The following ARHGAP24 variants were observed in gnomAD, a reference collection of about 807,000 sequenced individuals.
ARHGAP24 encodes Rho GTPase activating protein 24, also known as rho GTPase-activating protein 24.
Under a neutral mutation model 76.4 loss-of-function variants are expected in ARHGAP24, and 50 were observed. The observed-to-expected ratio is 0.65, with a 90% CI of 0.52 to 0.83. ARHGAP24 has a LOEUF of 0.83. ARHGAP24 is among the 40% of genes least tolerant of loss of function. ARHGAP24 has a pLI of 0.00. For synonymous variants in ARHGAP24, 345 were observed against 323.3 expected, an observed-to-expected ratio of 1.07 and a Z score of -0.72; for missense variants, 930 against 914.2, an observed-to-expected ratio of 1.02 and a Z score of -0.22.
At chr4:85,680,602 G>A (rs1723169744) in intron 2 of ARHGAP24, among the ~76,000 whole-genome samples, 1 of 152,000 alleles carries the variant, frequency 6.6e-6, no homozygotes, top group Admixed American at 6.6e-5. Flanking sequence ...GTGAGATAAT[G>A]CTGTCTTTAC....
At chr4:85,951,843 C>T (rs932483044) in intron 5 of ARHGAP24, among the ~76,000 whole-genome samples, 9 of 152,070 alleles carry the variant, frequency 5.9e-5, no homozygotes, top group Admixed American at 3.9e-4. Flanking sequence ...TCTCTAGTCA[C>T]TGACATTGTA....
At chr4:85,875,688 A>T (rs1388657364) in intron 3 of ARHGAP24, among the ~76,000 whole-genome samples, 1 of 132,812 alleles carries the variant, frequency 7.5e-6, no homozygotes, top group Non-Finnish European at 1.5e-5. Flanking sequence ...TATAAATATT[A>T]AAAATAATAT....
intron 3 of ARHGAP24, among the ~76,000 whole-genome samples, chr4:85,919,470 T>A (rs1735600346): frequency 6.6e-6 from 1 of 152,090 alleles, no homozygotes; most frequent in Admixed American, 6.6e-5. Flanking sequence ...TAGTAATAAG[T>A]CTATATTTAC....
rs369440008 is a variant in ARHGAP24 at position 85,789,112 on chromosome 4, T to C, written c.268+67140T>C. Reference sequence around the variant, plus strand: ...CAAGGCACAATTAGAATGTTGGAACTTTCAGTCCCAGCACTCAACCTCCAG... The same window carrying C: ...CAAGGCACAATTAGAATGTTGGAACCTTCAGTCCCAGCACTCAACCTCCAG... On this transcript the variant is annotated intron_variant, in intron 3 of 9. Coordinates refer to ENST00000395184, the MANE Select transcript of ARHGAP24 (RefSeq NM_001025616.3). 9.2e-5 allele frequency among the ~76,000 whole-genome samples: 14 copies of C among 151,878 alleles called. No individual in the cohort carries two copies. In the East Asian group the frequency reaches 1.6e-3, roughly 17 times the overall value.
At chr4:85,757,111 G>T (rs1328670130) in intron 3 of ARHGAP24, among the ~76,000 whole-genome samples, 1 of 151,924 alleles carries the variant, frequency 6.6e-6, no homozygotes, top group African/African-American at 2.4e-5. Context: ...TTTGGGCCAG[G>T]CCATCTCCGT....
intron 5 of ARHGAP24, among the ~76,000 whole-genome samples, chr4:85,956,866 A>C (rs1230127310): frequency 1.3e-5 from 2 of 152,276 alleles, no homozygotes; most frequent in South Asian, 4.1e-4. Flanking sequence ...AAGAGAGTGC[A>C]GTTGCAAGAT....
chr4:85,777,930 G>A (rs1727369669), intron 3 of ARHGAP24, among the ~76,000 whole-genome samples: 1 of 152,092 alleles, frequency 6.6e-6, no homozygotes. Context: ...TTGCTTCTCT[G>A]TTTTATTTAA....
chr4:85,667,670 G>A (rs968278474), intron 2 of ARHGAP24, among the ~76,000 whole-genome samples: 1 of 152,078 alleles, frequency 6.6e-6, no homozygotes, highest in Non-Finnish European at 1.5e-5. Flanking sequence ...TTTATCCTCT[G>A]TTCTTCCCTA....
rs141347182 is a variant in ARHGAP24, at chr4:85,630,088, G to A, written c.180+59367G>A. Among the ~76,000 whole-genome samples the A allele has an allele frequency of 2.4e-4, 36 of 151,684 alleles. No individual in the cohort carries two copies. In the East Asian group the frequency reaches 6.8e-3, roughly 29 times the overall value. The stretch of plus-strand genomic sequence containing the variant: ...AGGTAATTTTAAATGACCTGTCCTT[G>A]AGCTTGCTAATTATTTACTCTTCTT... On this transcript the variant is annotated intron_variant, in intron 2 of 9. Transcript: ENST00000395184.
intron 3 of ARHGAP24, among the ~76,000 whole-genome samples, chr4:85,838,325 C>T (rs1222257000): frequency 6.6e-6 from 1 of 152,124 alleles, no homozygotes; most frequent in Non-Finnish European, 1.5e-5. Context: ...TAGCCGGGCA[C>T]GGTGGCTCAC....
intron 2 of ARHGAP24, among the ~76,000 whole-genome samples, chr4:85,624,008 A>G (rs953867536): frequency 6.6e-6 from 1 of 152,170 alleles, no homozygotes; most frequent in African/African-American, 2.4e-5. Context: ...GGGGTTTTCT[A>G]GATATACAAT....
At chr4:85,511,846 G>T (rs1011659001) in intron 1 of ARHGAP24, among the ~76,000 whole-genome samples, 10 of 152,172 alleles carry the variant, frequency 6.6e-5, no homozygotes, top group Non-Finnish European at 1.3e-4. Flanking sequence ...TGAAGCCTGT[G>T]GGGGAATCCT....
chr4:85,988,222 G>A (rs1740117919), intron 8 of ARHGAP24, among the ~76,000 whole-genome samples: 1 of 151,828 alleles, frequency 6.6e-6, no homozygotes, highest in African/African-American at 2.4e-5. Context: ...ATAGACACAT[G>A]TGCACACAGA....
At chr4:85,608,448 T>A (rs911251601) in intron 2 of ARHGAP24, among the ~76,000 whole-genome samples, 2 of 152,168 alleles carry the variant, frequency 1.3e-5, no homozygotes, top group African/African-American at 4.8e-5. Context: ...GACTTTATTG[T>A]ATTTATTATT....
intron 2 of ARHGAP24, among the ~76,000 whole-genome samples, chr4:85,634,207 A>G (rs1466368374): frequency 6.6e-6 from 1 of 151,872 alleles, no homozygotes; most frequent in Non-Finnish European, 1.5e-5. Flanking sequence ...TCTCAGTATT[A>G]AAAGTTTTGC....
Position 85,862,801 on chromosome 4 carries a change from C to T in ARHGAP24, c.269-60847C>T, listed in dbSNP as rs927963841. 3.3e-5 allele frequency among the ~76,000 whole-genome samples: 5 copies of T among 152,054 alleles called. No homozygotes were observed. The South Asian group carries it at 8.3e-4, about 25-fold the overall frequency. ...GATCTCATATTTTCCTTATTTCTCA[C>T]GTTTAGTTCATTCATAAGTCCTTTC... On this transcript the variant is annotated intron_variant, in intron 3 of 9. Coordinates refer to ENST00000395184, the MANE Select transcript of ARHGAP24 (RefSeq NM_001025616.3).
At chr4:85,679,218 A>C (rs375725615) in intron 2 of ARHGAP24, among the ~76,000 whole-genome samples, 166 of 152,258 alleles carry the variant, frequency 1.1e-3, no homozygotes, top group African/African-American at 3.7e-3. Context: ...ATAGATGGTG[A>C]ATATTTCTCT....
chr4:85,923,534 G>A (rs1193052886), intron 3 of ARHGAP24, 114 bp from the exon 4 acceptor site: 3 of 1,434,144 alleles, frequency 2.1e-6, no homozygotes, highest in African/African-American at 1.4e-5. Context: ...TCATTGGGTA[G>A]AACTTAGTGC....
chr4:85,607,714 C>T (rs28506827), intron 2 of ARHGAP24, among the ~76,000 whole-genome samples: 12,895 of 125,500 alleles, frequency 0.1, 2,120 homozygotes, highest in African/African-American at 0.34. Context: ...CTTGGCACGG[C>T]GTAGCTATGG....
Sources: allele counts gnomAD v4.1 joint callset (sites outside exome capture counted in the v4.1 genomes callset), GRCh38; gene constraint gnomAD v4.1.1; transcripts MANE v1.5; gene names NCBI Gene and HGNC (gene_info 2026-07-23, HGNC 2026-07-21).